The following COLEC12 variants were observed in gnomAD, a reference collection of about 807,000 sequenced individuals.
COLEC12 encodes the protein collectin subfamily member 12.
COLEC12 carries 33 observed loss-of-function variants against 71.1 expected under a neutral mutation model. That is an observed-to-expected ratio of 0.46 (90% CI 0.35 to 0.62). COLEC12 has a LOEUF of 0.62. Ranked by LOEUF, COLEC12 falls within the 20% of genes least tolerant of loss-of-function variation. The pLI is 0.00. For synonymous variants in COLEC12, 350 were observed against 353.0 expected, an observed-to-expected ratio of 0.99 and a Z score of 0.10; for missense variants, 765 against 916.1, an observed-to-expected ratio of 0.84 and a Z score of 2.13.
chr18:410,631 C>T (rs563006916), intron 2 of COLEC12, among the ~76,000 whole-genome samples: 1 of 151,898 alleles, frequency 6.6e-6, no homozygotes, highest in Admixed American at 6.6e-5. Context: ...CACCATGTTG[C>T]CCAGGCTGGT....
In COLEC12 at chr18:470,751, T is replaced by C. The variant is rs541042637; in HGVS notation, c.58+9956A>G. On this transcript the variant is annotated intron_variant, in intron 2 of 9. Coordinates refer to ENST00000400256, the MANE Select transcript of COLEC12 (RefSeq NM_130386.3). ...GCTTGAGTGACAGAGTAAGACCTTG[T>C]CTCTAAAACAACGAACTAAACATCC... Among the ~76,000 whole-genome samples the C allele has an allele frequency of 8.5e-5, 13 of 152,290 alleles. No homozygotes were observed. In the East Asian group the frequency reaches 9.6e-4, roughly 11 times the overall value.
intron 2 of COLEC12, among the ~76,000 whole-genome samples, chr18:375,461 C>G (rs893395566): frequency 1.3e-5 from 2 of 152,190 alleles, no homozygotes; most frequent in East Asian, 1.9e-4. Flanking sequence ...CCTCCTCCCC[C>G]ATGCCTCCAT....
chr18:354,838 G>A (rs1035165690), intron 3 of COLEC12, among the ~76,000 whole-genome samples: 1 of 152,132 alleles, frequency 6.6e-6, no homozygotes, highest in Non-Finnish European at 1.5e-5. Context: ...GTTTCCCCTT[G>A]TACTTGCTCC....
intron 8 of COLEC12, among the ~76,000 whole-genome samples, chr18:330,661 C>G (rs370887152): frequency 3.3e-5 from 5 of 152,182 alleles, no homozygotes; most frequent in African/African-American, 1.2e-4. Context: ...GGAGCTAACA[C>G]CCCCTAGGGT....
intron 2 of COLEC12, among the ~76,000 whole-genome samples, chr18:452,518 G>A (rs1481247433): frequency 6.6e-6 from 1 of 152,184 alleles, no homozygotes; most frequent in Admixed American, 6.5e-5. Context: ...TTCAGCAGAA[G>A]CATCTTCCTC....
intron 9 of COLEC12, among the ~76,000 whole-genome samples, chr18:320,515 A>G (rs1913677888): frequency 6.6e-6 from 1 of 152,224 alleles, no homozygotes; most frequent in African/African-American, 2.4e-5. Flanking sequence ...CGGATAATTT[A>G]TGCCCCAGTT....
chr18:387,984 C>A (rs1318894754), intron 2 of COLEC12, among the ~76,000 whole-genome samples: 1 of 126,878 alleles, frequency 7.9e-6, no homozygotes, highest in African/African-American at 2.9e-5. Flanking sequence ...GAAGGGAACA[C>A]AAAGTCCGTT....
At chr18:456,583 G>A (rs1307201992) in intron 2 of COLEC12, among the ~76,000 whole-genome samples, 3 of 152,284 alleles carry the variant, frequency 2.0e-5, no homozygotes, top group East Asian at 1.9e-4. Context: ...CCACACCTCC[G>A]CTTAGGAAGG....
chr18:414,263 A>G (rs1406860315), intron 2 of COLEC12, among the ~76,000 whole-genome samples: 1 of 152,192 alleles, frequency 6.6e-6, no homozygotes, highest in Admixed American at 6.5e-5. Flanking sequence ...TGGTAAAGAG[A>G]GTAAGCAAAA....
At chr18:412,809 G>T (rs1430832714) in intron 2 of COLEC12, among the ~76,000 whole-genome samples, 1 of 152,160 alleles carries the variant, frequency 6.6e-6, no homozygotes, top group African/African-American at 2.4e-5. Context: ...AAAAAGTCAT[G>T]CAAAGGGACT....
chr18:331,854 T>A, intron 7 of COLEC12, 77 bp from the exon 8 acceptor site: 2 of 883,506 alleles, frequency 2.3e-6, no homozygotes, highest in Admixed American at 2.2e-5. Flanking sequence ...TATTTAACAT[T>A]TAGAAAAAAG....
intron 2 of COLEC12, among the ~76,000 whole-genome samples, chr18:360,498 T>C (rs1914721219): frequency 6.6e-6 from 1 of 152,116 alleles, no homozygotes; most frequent in African/African-American, 2.4e-5. Flanking sequence ...GCCAAGAATT[T>C]GGATTTCTAA....
chr18:388,035 C>T (rs779994580), intron 2 of COLEC12, among the ~76,000 whole-genome samples: 4 of 152,128 alleles, frequency 2.6e-5, no homozygotes, highest in Non-Finnish European at 4.4e-5. Flanking sequence ...AAACAGTTTA[C>T]GGAATTGGCT....
At chr18:340,632 T>TA (rs750679463) in intron 5 of COLEC12, among the ~76,000 whole-genome samples, 93 of 152,348 alleles carry the variant, frequency 6.1e-4, no homozygotes, top group Non-Finnish European at 1.1e-3. Flanking sequence ...CTTTAATTCT[T>TA]ACTGCCATCC....
rs1272634410 is a variant in COLEC12 at position 318,495 on chromosome 18, T to G, written c.*1550A>C. On this transcript the variant is annotated 3_prime_UTR_variant, in exon 10 of 10. Coordinates refer to ENST00000400256, the MANE Select transcript of COLEC12 (RefSeq NM_130386.3). The stretch of plus-strand genomic sequence containing the variant: ...GATGGGCTCAGAGGAAAGGTTTTTT[T>G]TTTTTTTTTTTTTTTGAGATGGAGT... 1.4e-5 allele frequency: 2 copies of G among 142,156 alleles called. No individual in the cohort carries two copies. The highest frequency in any genetic ancestry group is 2.6e-5 in the African/African-American group (1 of 37,948). The allele number at this position is 142,156 out of a possible 1,614,324, so 8.8% of individuals were successfully genotyped here.
At chr18:489,741 T>A (rs1372531475) in intron 1 of COLEC12, among the ~76,000 whole-genome samples, 2 of 152,070 alleles carry the variant, frequency 1.3e-5, no homozygotes, top group Non-Finnish European at 2.9e-5. Flanking sequence ...ACACTGAATG[T>A]GGATCTGAGA....
rs1221906748 is a variant in COLEC12 at position 399,395 on chromosome 18, GC to G, written c.59-41874del. Among the ~76,000 whole-genome samples, 3 of 152,304 alleles carry G rather than the reference GC, an allele frequency of 2.0e-5. No homozygotes were observed. In the South Asian group the frequency reaches 6.2e-4, roughly 32 times the overall value. On this transcript the variant is annotated intron_variant, in intron 2 of 9. Coordinates refer to ENST00000400256, the MANE Select transcript of COLEC12 (RefSeq NM_130386.3). The surrounding 1 kb of genome is among the most constrained non-coding windows in gnomAD (Gnocchi z 4.0). ...ATCACTGTGTAGCGCGCAGCTCTGTGCCCCTGCCCAGCCACTCCCTGATAGC... is the reference window on the plus strand; with the variant it reads ...ATCACTGTGTAGCGCGCAGCTCTGTGCCCTGCCCAGCCACTCCCTGATAGC...
intron 2 of COLEC12, among the ~76,000 whole-genome samples, chr18:457,002 C>T (rs574895696): frequency 5.9e-5 from 9 of 152,336 alleles, no homozygotes; most frequent in African/African-American, 7.2e-5. Context: ...ACTGCTTTTC[C>T]GCAGCATTTT....
intron 2 of COLEC12, among the ~76,000 whole-genome samples, chr18:388,080 A>G (rs1159289679): frequency 6.6e-6 from 1 of 152,146 alleles, no homozygotes; most frequent in Non-Finnish European, 1.5e-5. Flanking sequence ...ACCTTCTTTC[A>G]TTTCTACCTT....
Sources: allele counts gnomAD v4.1 joint callset (sites outside exome capture counted in the v4.1 genomes callset), GRCh38; gene constraint gnomAD v4.1.1; non-coding constraint Gnocchi (gnomAD v3.1); transcripts MANE v1.5; gene names NCBI Gene and HGNC (gene_info 2026-07-23, HGNC 2026-07-21).